TMPRSS9: variants seen among roughly 807,000 people sequenced by gnomAD.
TMPRSS9 encodes the protein transmembrane protease serine 9.
A neutral mutation model predicts 111.4 loss-of-function variants in TMPRSS9; 113 were observed. The observed-to-expected ratio is 1.01, with a 90% CI of 0.87 to 1.19. TMPRSS9 has a LOEUF of 1.19. TMPRSS9 is among the 50% of genes most tolerant of loss of function. The pLI is 0.00. For missense variants in TMPRSS9, 1,803 were observed against 1,513.1 expected (o/e 1.19, Z -3.18); for synonymous variants, 805 against 659.1 (o/e 1.22, Z -3.39).
chr19:2,413,729 G>A (rs921420809), exon 10 of TMPRSS9: 50 of 1,612,582 alleles, frequency 3.1e-5, no homozygotes, highest in Non-Finnish European at 4.0e-5. Context: ...TGGTCTGCGA[G>A]GAGCCCTCTG....
intron 7 of TMPRSS9, among the ~76,000 whole-genome samples, chr19:2,406,690 T>A (rs1399504244): frequency 6.6e-6 from 1 of 151,830 alleles, no homozygotes. Flanking sequence ...AGCATCTCCC[T>A]GTGGTTTTGA....
exon 17 of TMPRSS9, chr19:2,425,479 G>A: frequency 3.2e-6 from 5 of 1,587,270 alleles, no homozygotes; most frequent in Non-Finnish European, 4.3e-6. Context: ...GCAGGGTGGC[G>A]TGGACAGCTG....
At chr19:2,405,662 T>C in intron 7 of TMPRSS9, 117 bp downstream of exon 8, 2 of 1,142,360 alleles carry the variant, frequency 1.8e-6, no homozygotes, top group Non-Finnish European at 2.3e-6. Flanking sequence ...ATTTTTTCTT[T>C]TCCTTTCTTT....
intron 7 of TMPRSS9, 98 bp downstream of exon 8, chr19:2,405,643 C>T (rs4807260): frequency 0.5 from 624,524 of 1,251,326 alleles, 164,108 homozygotes; most frequent in African/African-American, 0.86. Flanking sequence ...CTTAGAGCCC[C>T]TGGAAGTAAT....
chr19:2,408,216 C>A, intron 7 of TMPRSS9, 140 bp from the exon 9 acceptor site: 1 of 857,926 alleles, frequency 1.2e-6, no homozygotes, highest in Non-Finnish European at 1.8e-6. Flanking sequence ...CTGTGTCTGG[C>A]CTGATTTTTA....
chr19:2,415,659 C>A lies in TMPRSS9; in HGVS notation c.1574-11C>A. 6.3e-7 allele frequency: 1 copy of A among 1,577,308 alleles called. No individual in the cohort carries two copies. Among genetic ancestry groups the A allele is most frequent in the Non-Finnish European group, 8.6e-7 (1 of 1,157,770 alleles). ...AAGATCCCCAGACCTGGTCTTGTGT[C>A]CTCCTTCCAGAATGTGGGGCCAGGC... On this transcript the variant is annotated splice_polypyrimidine_tract_variant and intron_variant, in intron 10 of 17. Coordinates refer to ENST00000648592, the Ensembl canonical transcript of TMPRSS9.
intron 1 of TMPRSS9, chr19:2,396,090 T>C (rs1012480293): frequency 5.8e-5 from 9 of 155,708 alleles, no homozygotes; most frequent in African/African-American, 2.2e-4. Context: ...GGCCTCTGGC[T>C]GTGCTCATGC....
Position 2,425,610 on chromosome 19 carries a change from G to C in TMPRSS9, c.3120+117G>C, listed in dbSNP as rs555613148. The C allele has an allele frequency of 1.1e-4, 145 of 1,375,666 alleles. 1 individual carries two copies. The South Asian group carries it at 2.1e-3, about 20-fold the overall frequency. 85.2% of individuals were successfully genotyped at this position (1,375,666 alleles called of 1,614,324 possible). ...ACCCTCCGGTGCAGGCTTCTCCAGCGGATCAAGCAGGGAGCCTTTTTGGCT... is the reference window on the plus strand; with the variant it reads ...ACCCTCCGGTGCAGGCTTCTCCAGCCGATCAAGCAGGGAGCCTTTTTGGCT... On this transcript the variant is annotated intron_variant, in intron 17 of 17. Coordinates refer to ENST00000648592, the Ensembl canonical transcript of TMPRSS9.
At chr19:2,368,995 A>G (rs1418360622) in intron 1 of TMPRSS9, among the ~76,000 whole-genome samples, 1 of 147,110 alleles carries the variant, frequency 6.8e-6, no homozygotes, top group Admixed American at 6.9e-5. Context: ...CTCATTGTCC[A>G]GGCTGTAGTG....
intron 1 of TMPRSS9, among the ~76,000 whole-genome samples, chr19:2,363,399 G>A (rs994687211): frequency 2.6e-5 from 4 of 152,006 alleles, no homozygotes; most frequent in African/African-American, 9.7e-5. Flanking sequence ...GGGCTTTGCG[G>A]AGACGTGGAG....
intron 1 of TMPRSS9, among the ~76,000 whole-genome samples, chr19:2,394,066 G>T (rs12232833): frequency 2.6e-5 from 4 of 152,044 alleles, no homozygotes; most frequent in Middle Eastern, 3.4e-3. Flanking sequence ...AGTTGGTCAT[G>T]GTGGCATGTG....
intron 1 of TMPRSS9, among the ~76,000 whole-genome samples, chr19:2,368,451 C>T (rs899113999): frequency 6.6e-5 from 10 of 151,998 alleles, no homozygotes; most frequent in African/African-American, 2.4e-4. Flanking sequence ...GTTTGGGGAT[C>T]GGCGAGGAGG....
At chr19:2,360,826 A>C (rs1375213303) in intron 1 of TMPRSS9, among the ~76,000 whole-genome samples, 2 of 150,210 alleles carry the variant, frequency 1.3e-5, no homozygotes, top group African/African-American at 2.5e-5. Flanking sequence ...GATTGTGTGG[A>C]TGTATCTAGC....
intron 12 of TMPRSS9, among the ~76,000 whole-genome samples, chr19:2,417,756 ACACCTTACC>A (rs1971283879): frequency 6.6e-6 from 1 of 152,184 alleles, no homozygotes; most frequent in South Asian, 2.1e-4. Context: ...ATGGCCTCCT[ACACCTTACC>A]CAGGTGCTAG....
chr19:2,415,577 C>T, intron 10 of TMPRSS9, 93 bp from the exon 12 acceptor site: 1 of 1,238,126 alleles, frequency 8.1e-7, no homozygotes, highest in Non-Finnish European at 1.1e-6. Flanking sequence ...TCTTCAGGGC[C>T]TGGCTGCAAC....
chr19:2,373,969 T>C (rs1970310282), intron 1 of TMPRSS9, among the ~76,000 whole-genome samples: 2 of 152,300 alleles, frequency 1.3e-5, no homozygotes, highest in South Asian at 4.1e-4. Context: ...ATTTGCAAAG[T>C]GCTTTACAGG....
chr19:2,382,804 C>T (rs1312959120), intron 1 of TMPRSS9, among the ~76,000 whole-genome samples: 3 of 152,196 alleles, frequency 2.0e-5, no homozygotes, highest in African/African-American at 7.2e-5. Context: ...CACACAGACT[C>T]ACACATGTAC....
chr19:2,421,764 C>T, intron 13 of TMPRSS9, 90 bp from the exon 15 acceptor site: 1 of 1,444,862 alleles, frequency 6.9e-7, no homozygotes, highest in South Asian at 1.4e-5. Context: ...TCGATGGCTC[C>T]CACCCACTGT....
chr19:2,424,890 A>C, intron 15 of TMPRSS9, 112 bp from the exon 17 acceptor site: 2 of 1,292,166 alleles, frequency 1.5e-6, no homozygotes, highest in Non-Finnish European at 2.0e-6. Context: ...GCCAGAGACC[A>C]AGAGGCCAAT....
Sources: allele counts gnomAD v4.1 joint callset (sites outside exome capture counted in the v4.1 genomes callset), GRCh38; gene constraint gnomAD v4.1.1; transcripts MANE v1.5; gene names NCBI Gene and HGNC (gene_info 2026-07-23, HGNC 2026-07-21).